The following RORA variants were observed in gnomAD, a reference collection of about 807,000 sequenced individuals.
The protein encoded by RORA is RAR related orphan receptor A, also known as nuclear receptor ROR-alpha.
A neutral mutation model predicts 69.5 loss-of-function variants in RORA; 7 were observed. The ratio of observed to expected loss-of-function variants is 0.10; its 90% confidence interval spans 0.06 to 0.19. RORA has a LOEUF of 0.19. Among genes scored for constraint, RORA ranks in the 10% least tolerant of loss-of-function variants. RORA has a pLI of 1.00. For missense variants in RORA, 457 were observed against 663.0 expected (o/e 0.69, Z 3.41); for synonymous variants, 261 against 240.8 (o/e 1.08, Z -0.78).
chr15:60,509,792 A>AG lies in RORA; in HGVS notation c.820+1433dup, dbSNP rs1555423599. ...AATGGAAGGTTTTTGTTCTAGTTCA[A>AG]GAAAAAAAAAAAAAAATCAAACCTA... On this transcript the variant is annotated intron_variant, in intron 5 of 10. Coordinates refer to ENST00000335670, the MANE Select transcript of RORA (RefSeq NM_134261.3). 4.4e-3 allele frequency among the ~76,000 whole-genome samples: 220 copies of AG among 49,756 alleles called. 2 individuals carry two copies. The highest frequency in any genetic ancestry group is 0.043 in the South Asian group (32 of 750). The allele number at this position is 49,756 out of a possible 152,430, so 32.6% of individuals were successfully genotyped here.
chr15:60,995,296 C>T (rs535662571), intron 1 of RORA, among the ~76,000 whole-genome samples: 4 of 152,112 alleles, frequency 2.6e-5, no homozygotes, highest in Non-Finnish European at 5.9e-5. Flanking sequence ...ACTCCGGGTA[C>T]AGAGGCTCAG....
chr15:60,523,473 A>G (rs1378577197), intron 3 of RORA, among the ~76,000 whole-genome samples: 3 of 152,204 alleles, frequency 2.0e-5, no homozygotes, highest in Non-Finnish European at 4.4e-5. Context: ...ATAGATACCA[A>G]AGTTATCTAC....
At chr15:61,022,305 TATTA>T (rs1421798591) in intron 1 of RORA, among the ~76,000 whole-genome samples, 2 of 152,224 alleles carry the variant, frequency 1.3e-5, no homozygotes, top group African/African-American at 4.8e-5. Context: ...TTTAGGCAGC[TATTA>T]ATTAATACAA....
chr15:60,957,872 G>A (rs150963274), intron 1 of RORA, among the ~76,000 whole-genome samples: 98 of 152,046 alleles, frequency 6.4e-4, no homozygotes, highest in African/African-American at 2.1e-3. Flanking sequence ...ATTATGTCCC[G>A]TACTTTCCAT....
At chr15:60,827,499 T>C (rs886812389) in intron 1 of RORA, among the ~76,000 whole-genome samples, 1 of 152,182 alleles carries the variant, frequency 6.6e-6, no homozygotes, top group African/African-American at 2.4e-5. Flanking sequence ...TCTGAAAAAA[T>C]ATGTTTTATA....
At chr15:61,087,401 CA>C (rs2078641134) in intron 1 of RORA, among the ~76,000 whole-genome samples, 1 of 152,220 alleles carries the variant, frequency 6.6e-6, no homozygotes, top group Non-Finnish European at 1.5e-5. Flanking sequence ...TGGCTCTCAG[CA>C]GTGTCTTCAA....
chr15:60,999,444 G>A (rs1894675805), intron 1 of RORA, among the ~76,000 whole-genome samples: 1 of 152,180 alleles, frequency 6.6e-6, no homozygotes, highest in Non-Finnish European at 1.5e-5. Context: ...TTATATTCAT[G>A]GATGTTAGCT....
At chr15:60,923,587 A>T (rs551865840) in intron 1 of RORA, among the ~76,000 whole-genome samples, 28 of 152,322 alleles carry the variant, frequency 1.8e-4, no homozygotes, top group African/African-American at 4.6e-4. Context: ...AAGTCTTTTT[A>T]AAAAAGGCAC....
intron 1 of RORA, among the ~76,000 whole-genome samples, chr15:60,824,965 T>C (rs978863767): frequency 2.6e-5 from 4 of 152,128 alleles, no homozygotes; most frequent in African/African-American, 9.7e-5. Context: ...ATAAAGACAG[T>C]CCAAATGGGC....
At chr15:60,597,585 T>C (rs562939424) in intron 2 of RORA, among the ~76,000 whole-genome samples, 2 of 22,128 alleles carry the variant, frequency 9.0e-5, no homozygotes, top group African/African-American at 3.3e-4. Context: ...CACATATATA[T>C]ATATATATAC....
chr15:60,558,459 A>C (rs936820470), intron 2 of RORA: 9 of 543,592 alleles, frequency 1.7e-5, no homozygotes, highest in African/African-American at 1.4e-4. Context: ...TCAGATCATT[A>C]ATGTCTGACT....
chr15:61,059,869 T>C (rs2078147691), intron 1 of RORA, among the ~76,000 whole-genome samples: 1 of 147,532 alleles, frequency 6.8e-6, no homozygotes, highest in African/African-American at 2.5e-5. Context: ...ATGTAAAGGA[T>C]GGAAAAAATG....
intron 2 of RORA, among the ~76,000 whole-genome samples, chr15:60,611,693 C>T (rs1329829300): frequency 6.6e-6 from 1 of 151,244 alleles, no homozygotes; most frequent in African/African-American, 2.4e-5. Context: ...TGACAGCTGG[C>T]CATAGACACA....
At chr15:61,101,061 T>C (rs2078871617) in intron 1 of RORA, among the ~76,000 whole-genome samples, 1 of 152,220 alleles carries the variant, frequency 6.6e-6, no homozygotes, top group African/African-American at 2.4e-5. Flanking sequence ...CAGATGCTTG[T>C]AGAGAGAACA....
chr15:60,916,572 A>G (rs1031744556), intron 1 of RORA, among the ~76,000 whole-genome samples: 1 of 152,066 alleles, frequency 6.6e-6, no homozygotes, highest in Non-Finnish European at 1.5e-5. Context: ...TAAATAGCTT[A>G]CCACTCATCC....
At chr15:60,615,046 C>G (rs2069196949) in intron 2 of RORA, 2 of 1,605,096 alleles carry the variant, frequency 1.2e-6, no homozygotes, top group Non-Finnish European at 1.7e-6. Context: ...GAAAACAGAA[C>G]AGCGTCAACC....
At position 60,869,562 on chromosome 15, in the gene RORA, T is replaced by C. The variant is rs566729608; in HGVS notation, c.167-190876A>G. 7.5e-4 allele frequency among the ~76,000 whole-genome samples: 115 copies of C among 152,344 alleles called. 1 individual carries two copies. Among genetic ancestry groups the C allele is most frequent in the Admixed American group, 1.4e-3 (21 of 15,302 alleles). ...CAAATAGACTCTTATCAACAGGAGATTGCCAGTGGGCAGGTCTGATGGCAC... is the reference window on the plus strand; with the variant it reads ...CAAATAGACTCTTATCAACAGGAGACTGCCAGTGGGCAGGTCTGATGGCAC... On this transcript the variant is annotated intron_variant, in intron 1 of 10. Coordinates refer to ENST00000335670, the MANE Select transcript of RORA (RefSeq NM_134261.3).
intron 1 of RORA, among the ~76,000 whole-genome samples, chr15:60,904,719 G>A (rs1891483708): frequency 6.6e-6 from 1 of 152,164 alleles, no homozygotes; most frequent in South Asian, 2.1e-4. Context: ...ATCTAAATGA[G>A]CACAGAGACA....
At chr15:61,076,014 T>C (rs964028720) in intron 1 of RORA, among the ~76,000 whole-genome samples, 71 of 152,148 alleles carry the variant, frequency 4.7e-4, no homozygotes, top group Non-Finnish European at 9.3e-4. Flanking sequence ...CAGCCTTCAC[T>C]TCCTCAAAGC....
Sources: gnomAD v4.1 joint callset for allele counts (sites outside exome capture counted in the v4.1 genomes callset) on GRCh38, gnomAD v4.1.1 for gene constraint, MANE v1.5 for transcripts, NCBI Gene and HGNC (gene_info 2026-07-23, HGNC 2026-07-21) for gene names.